The following TRIM24 variants were observed in gnomAD, a reference collection of about 807,000 sequenced individuals.
TRIM24 encodes the protein transcription intermediary factor 1-alpha.
Under a neutral mutation model 123.9 loss-of-function variants are expected in TRIM24, and 29 were observed. The ratio of observed to expected loss-of-function variants is 0.23; its 90% CI spans 0.17 to 0.32. The LOEUF (loss-of-function observed/expected upper bound fraction) is 0.32, where lower values mean the gene tolerates loss of function less well. Among genes scored for constraint, TRIM24 ranks in the 10% least tolerant of loss-of-function variants. The pLI is 1.00. For missense variants in TRIM24, 932 were observed against 1,295.3 expected (o/e 0.72, Z 4.31); for synonymous variants, 456 against 461.1 (o/e 0.99, Z 0.14).
intron 4 of TRIM24, among the ~76,000 whole-genome samples, chr7:138,524,810 A>G (rs1360182965): frequency 6.6e-6 from 1 of 152,070 alleles, no homozygotes; most frequent in East Asian, 1.9e-4. Context: ...CTCTGTCTGT[A>G]TTTATCCTGA....
intron 1 of TRIM24, chr7:138,461,215 A>G (rs1413368682): frequency 3.1e-6 from 2 of 647,038 alleles, no homozygotes; most frequent in Non-Finnish European, 5.8e-6. Context: ...CCTCTGTCGG[A>G]GTCTCCTGCA....
intron 1 of TRIM24, among the ~76,000 whole-genome samples, chr7:138,496,748 GC>G (rs760430575): frequency 2.0e-5 from 3 of 151,900 alleles, no homozygotes; most frequent in East Asian, 3.9e-4. Flanking sequence ...TGATCCTCCT[GC>G]CTCAGCCTCG....
intron 12 of TRIM24, among the ~76,000 whole-genome samples, chr7:138,575,128 ATAAAAGATG>A (rs1178783537): frequency 2.0e-5 from 3 of 152,236 alleles, no homozygotes; most frequent in African/African-American, 7.2e-5. Flanking sequence ...ACAGAACCAT[ATAAAAGATG>A]TAAAAGTATG....
chr7:138,495,619 T>C (rs996407698), intron 1 of TRIM24, among the ~76,000 whole-genome samples: 7 of 152,114 alleles, frequency 4.6e-5, no homozygotes, highest in Non-Finnish European at 8.8e-5. Context: ...ATTTTCTTTA[T>C]CTTTTTTTTA....
chr7:138,531,560 T>G (rs1043282214), intron 6 of TRIM24, among the ~76,000 whole-genome samples: 1 of 152,236 alleles, frequency 6.6e-6, no homozygotes, highest in Non-Finnish European at 1.5e-5. Flanking sequence ...TCATTTTTTA[T>G]GGCTGCATAG....
chr7:138,492,779 G>C (rs148685421), intron 1 of TRIM24, among the ~76,000 whole-genome samples: 128 of 152,282 alleles, frequency 8.4e-4, no homozygotes, highest in African/African-American at 2.9e-3. Context: ...GGAGCTTATT[G>C]AGCATCTTAC....
chr7:138,515,067 C>T (rs879795182), intron 2 of TRIM24, 145 bp from the exon 3 acceptor site: 61 of 638,266 alleles, frequency 9.6e-5, no homozygotes, highest in Non-Finnish European at 1.3e-4. Context: ...TAATGTAACA[C>T]ACAAGGTCAG....
At chr7:138,575,907 T>C (rs1389597084) in intron 12 of TRIM24, among the ~76,000 whole-genome samples, 2 of 152,188 alleles carry the variant, frequency 1.3e-5, no homozygotes, top group African/African-American at 4.8e-5. Flanking sequence ...GTTTTCTTTT[T>C]TGAACTCCTT....
chr7:138,471,572 A>G (rs1372910912), intron 1 of TRIM24, among the ~76,000 whole-genome samples: 2 of 151,702 alleles, frequency 1.3e-5, no homozygotes, highest in Non-Finnish European at 2.9e-5. Context: ...ACAGAGTCTC[A>G]CTCTGTCATC....
chr7:138,538,689 G>A lies in TRIM24; in HGVS notation c.1029G>A (p.Met343Ile). ...CAAAGGACCATCGCATGAAACTTAT[G>A]CAACAACAACAGGAAGTGGCTGGAC... ...SLAKDHRMKL[M>I]QQQQEVAGLS... is the part of the protein sequence containing the mutation. The change falls in exon 7 of 19, where the codon ATG becomes ATA. Residue 343 changes from methionine (M) to isoleucine (I), a missense_variant. Physicochemically the swap from Met to Ile is conservative, Grantham distance 10. Transcript: ENST00000343526. 1.2e-6 allele frequency: 2 copies of A among 1,614,060 alleles called. No individual in the cohort carries two copies. Among genetic ancestry groups the A allele is most frequent in the Non-Finnish European group, 1.7e-6 (2 of 1,179,980 alleles).
At chr7:138,511,404 G>A (rs771694558) in intron 2 of TRIM24, among the ~76,000 whole-genome samples, 6 of 151,652 alleles carry the variant, frequency 4.0e-5, no homozygotes, top group African/African-American at 7.3e-5. Context: ...AGGTTCAAGC[G>A]ATTCTCCTGC....
chr7:138,472,181 A>AG (rs1227581675), intron 1 of TRIM24, among the ~76,000 whole-genome samples: 3 of 152,070 alleles, frequency 2.0e-5, no homozygotes, highest in African/African-American at 4.8e-5. Flanking sequence ...ACTTAAGGGG[A>AG]GAAAAAAAAT....
chr7:138,554,568 G>C lies in TRIM24; in HGVS notation c.1262-130G>C. ...AGCTGTTTGGGGGTTCTCTTTCAGA[G>C]TGTTAAAGGGCTCATGAGATCAGAG... On this transcript the variant is annotated intron_variant, in intron 8 of 18. Transcript: ENST00000343526. The surrounding 1 kb of genome is among the most constrained non-coding windows in gnomAD (Gnocchi z 4.5). The C allele has an allele frequency of 1.1e-6, 1 of 874,366 alleles. No homozygotes were observed. Among genetic ancestry groups the C allele is most frequent in the Non-Finnish European group, 1.7e-6 (1 of 572,936 alleles). 54.2% of individuals were successfully genotyped at this position (874,366 alleles called of 1,614,324 possible).
At chr7:138,480,541 T>C (rs950206198) in intron 1 of TRIM24, among the ~76,000 whole-genome samples, 1 of 152,250 alleles carries the variant, frequency 6.6e-6, no homozygotes, top group Non-Finnish European at 1.5e-5. Flanking sequence ...TTTGCTCTTT[T>C]TAAAGCAATG....
Position 138,510,552 on chromosome 7 carries a change from G to A in TRIM24, c.484-4660G>A, listed in dbSNP as rs561056215. ...TTCTTCTGCCTCAGCCTCCAGAGTA[G>A]CTGGGACTACAGGCGCATACTGCCA... On this transcript the variant is annotated intron_variant, in intron 2 of 18. Coordinates refer to ENST00000343526, the MANE Select transcript of TRIM24 (RefSeq NM_015905.3). Among the ~76,000 whole-genome samples the A allele has an allele frequency of 1.9e-3, 292 of 152,232 alleles. 4 individuals carry two copies. The highest frequency in any genetic ancestry group is 3.4e-3 in the Middle Eastern group (1 of 294).
chr7:138,482,928 G>GT (rs1269648081), intron 1 of TRIM24, among the ~76,000 whole-genome samples: 5 of 151,458 alleles, frequency 3.3e-5, no homozygotes, highest in Non-Finnish European at 7.4e-5. Flanking sequence ...ATTTGTTTTT[G>GT]TTTTTTTGAG....
At chr7:138,537,921 T>G (rs1796927857) in intron 6 of TRIM24, among the ~76,000 whole-genome samples, 1 of 152,238 alleles carries the variant, frequency 6.6e-6, no homozygotes, top group South Asian at 2.1e-4. Flanking sequence ...TTCCTCCTTT[T>G]TCCTTGCTAG....
chr7:138,462,879 T>A (rs532776705), intron 1 of TRIM24, among the ~76,000 whole-genome samples: 1 of 150,256 alleles, frequency 6.7e-6, no homozygotes, highest in East Asian at 2.0e-4. Flanking sequence ...TTTATTTATT[T>A]TTTTTTTGAG....
At chr7:138,551,269 A>C in intron 8 of TRIM24, 89 bp downstream of exon 8, 1 of 1,181,746 alleles carries the variant, frequency 8.5e-7, no homozygotes, top group Non-Finnish European at 1.3e-6. Context: ...ATGTTCACTT[A>C]GGCTGGGCAC....
Sources: gnomAD v4.1 joint callset for allele counts (sites outside exome capture counted in the v4.1 genomes callset) on GRCh38, gnomAD v4.1.1 for gene constraint, Gnocchi (gnomAD v3.1) non-coding constraint, MANE v1.5 for transcripts, NCBI Gene and HGNC (gene_info 2026-07-23, HGNC 2026-07-21) for gene names.